The following LDB2 variants were observed in gnomAD, a reference collection of about 807,000 sequenced individuals.
The protein encoded by LDB2 is LIM domain binding 2, also known as LIM domain-binding protein 2.
Under a neutral mutation model 44.3 loss-of-function variants are expected in LDB2, and 12 were observed. The observed-to-expected ratio is 0.27, with a 90% confidence interval of 0.17 to 0.44. The LOEUF is 0.44. Ranked by LOEUF, LDB2 falls within the 20% of genes least tolerant of loss-of-function variation. The pLI, the probability that LDB2 is intolerant of heterozygous loss-of-function variation, is 1.00. For missense variants in LDB2, 344 were observed against 473.5 expected (o/e 0.73, Z 2.54); for synonymous variants, 164 against 174.8 (o/e 0.94, Z 0.49).
chr4:16,550,991 G>A (rs943505748), intron 5 of LDB2, among the ~76,000 whole-genome samples: 23 of 152,168 alleles, frequency 1.5e-4, no homozygotes, highest in South Asian at 6.2e-4. Context: ...AAGAAAAGAC[G>A]AAAGTTGGAA....
At chr4:16,505,938 A>G (rs1471353118) in intron 7 of LDB2, 1 of 1,551,658 alleles carries the variant, frequency 6.4e-7, no homozygotes, top group South Asian at 1.2e-5. Flanking sequence ...ACAGGTCTCC[A>G]TCCCTCCCAG....
intron 5 of LDB2, among the ~76,000 whole-genome samples, chr4:16,566,299 G>A (rs1744498635): frequency 6.6e-6 from 1 of 152,006 alleles, no homozygotes; most frequent in Non-Finnish European, 1.5e-5. Flanking sequence ...TAATAATTTA[G>A]CAAGTGTTAT....
At chr4:16,845,496 T>C (rs1366195856) in intron 1 of LDB2, among the ~76,000 whole-genome samples, 1 of 152,204 alleles carries the variant, frequency 6.6e-6, no homozygotes, top group Non-Finnish European at 1.5e-5. Flanking sequence ...ACATGTTAAG[T>C]GTTCCATAAA....
intron 2 of LDB2, among the ~76,000 whole-genome samples, chr4:16,710,365 G>A (rs530756564): frequency 5.3e-5 from 8 of 152,242 alleles, no homozygotes; most frequent in Non-Finnish European, 7.4e-5. Flanking sequence ...CAAATCAACC[G>A]ACAGCTTTAA....
chr4:16,684,125 G>A (rs780906424), intron 2 of LDB2, among the ~76,000 whole-genome samples: 1 of 152,194 alleles, frequency 6.6e-6, no homozygotes, highest in Non-Finnish European at 1.5e-5. Context: ...GCAATGCCAC[G>A]TCTATCACAG....
At chr4:16,701,367 G>C (rs901184620) in intron 2 of LDB2, among the ~76,000 whole-genome samples, 5 of 152,172 alleles carry the variant, frequency 3.3e-5, no homozygotes, top group African/African-American at 4.8e-5. Flanking sequence ...AGTAGATTGA[G>C]TGTCCAAGAC....
At chr4:16,704,686 A>C (rs1754214473) in intron 2 of LDB2, among the ~76,000 whole-genome samples, 1 of 152,238 alleles carries the variant, frequency 6.6e-6, no homozygotes, top group South Asian at 2.1e-4. Flanking sequence ...ACGTAGTCAC[A>C]TAAAAAAGCC....
intron 1 of LDB2, among the ~76,000 whole-genome samples, chr4:16,878,654 C>A (rs16894146): frequency 6.6e-6 from 1 of 152,132 alleles, no homozygotes; most frequent in African/African-American, 2.4e-5. Context: ...CCCTTAACAT[C>A]CTATCTGTAG....
At chr4:16,684,765 A>G (rs79961767) in intron 2 of LDB2, among the ~76,000 whole-genome samples, 5,977 of 152,332 alleles carry the variant, frequency 0.039, 434 homozygotes, top group African/African-American at 0.14. Flanking sequence ...TTATTAAAGA[A>G]TATAAATTCA....
chr4:16,592,199 C>T (rs922891710), intron 3 of LDB2, among the ~76,000 whole-genome samples: 4 of 152,022 alleles, frequency 2.6e-5, no homozygotes, highest in African/African-American at 7.3e-5. Flanking sequence ...CTCAAACTAA[C>T]CAGTAGCTTT....
At chr4:16,693,602 CTTG>C (rs1442895812) in intron 2 of LDB2, among the ~76,000 whole-genome samples, 1 of 152,028 alleles carries the variant, frequency 6.6e-6, no homozygotes, top group Admixed American at 6.5e-5. Flanking sequence ...TGATCCCGGC[CTTG>C]TTTATTCTTT....
chr4:16,580,528 G>C (rs1394241792), intron 5 of LDB2, among the ~76,000 whole-genome samples: 1 of 152,138 alleles, frequency 6.6e-6, no homozygotes, highest in Non-Finnish European at 1.5e-5. Flanking sequence ...ATGTGCCTTA[G>C]GCATTCTTGT....
chr4:16,733,667 G>C (rs899205979), intron 2 of LDB2, among the ~76,000 whole-genome samples: 1 of 152,180 alleles, frequency 6.6e-6, no homozygotes, highest in African/African-American at 2.4e-5. Flanking sequence ...TGGCACCAGC[G>C]AATTCAGGTT....
chr4:16,590,213 A>G (rs1451268405), intron 3 of LDB2, among the ~76,000 whole-genome samples: 1 of 152,180 alleles, frequency 6.6e-6, no homozygotes, highest in Non-Finnish European at 1.5e-5. Flanking sequence ...TTCACTAAGC[A>G]GCTTTGATTT....
intron 1 of LDB2, among the ~76,000 whole-genome samples, chr4:16,864,034 T>C (rs922238567): frequency 6.6e-6 from 1 of 152,148 alleles, no homozygotes; most frequent in Non-Finnish European, 1.5e-5. Context: ...AGGAGGTCCC[T>C]GAATGATTCA....
At chr4:16,524,164 A>T (rs1727321466) in intron 5 of LDB2, among the ~76,000 whole-genome samples, 1 of 152,202 alleles carries the variant, frequency 6.6e-6, no homozygotes, top group Non-Finnish European at 1.5e-5. Context: ...CACATTATTC[A>T]AGCATGTATC....
intron 5 of LDB2, among the ~76,000 whole-genome samples, chr4:16,575,787 G>A (rs1449992557): frequency 2.0e-5 from 3 of 152,226 alleles, no homozygotes; most frequent in African/African-American, 7.2e-5. Flanking sequence ...GCCTAGGCTG[G>A]AATGCAGCGG....
chr4:16,529,435 G>A (rs764511062), intron 5 of LDB2, among the ~76,000 whole-genome samples: 1 of 152,154 alleles, frequency 6.6e-6, no homozygotes, highest in African/African-American at 2.4e-5. Context: ...CAGGGCCCAT[G>A]TCCCTTCATC....
At chr4:16,578,380 A>T (rs760449421) in intron 5 of LDB2, among the ~76,000 whole-genome samples, 1 of 152,226 alleles carries the variant, frequency 6.6e-6, no homozygotes, top group South Asian at 2.1e-4. Context: ...TAATCTGATT[A>T]AAAATAGGCA....
Sources: allele counts gnomAD v4.1 joint callset (sites outside exome capture counted in the v4.1 genomes callset), GRCh38; gene constraint gnomAD v4.1.1; transcripts MANE v1.5; gene names NCBI Gene and HGNC (gene_info 2026-07-23, HGNC 2026-07-21).